The following RUFY4 variants were observed in gnomAD, a reference collection of about 807,000 sequenced individuals.
RUFY4 encodes RUN and FYVE domain containing 4, also known as RUN and FYVE domain-containing protein 4.
In RUFY4, 73 loss-of-function variants were observed where a neutral mutation model predicts 69.0. The observed-to-expected ratio is 1.06, with a 90% CI of 0.88 to 1.29. The LOEUF is 1.29. RUFY4 is among the 50% of genes most tolerant of loss of function. The probability of loss-of-function intolerance (pLI) is 0.00; values close to 1 mark genes in which losing one functional copy is unlikely to be tolerated. For synonymous variants in RUFY4, 287 were observed against 271.8 expected (o/e 1.06, Z -0.55); for missense variants, 770 against 705.6 (o/e 1.09, Z -1.03).
At chr2:218,089,262 C>G (rs760520417) in exon 10 of RUFY4, 1 of 1,613,402 alleles carries the variant, frequency 6.2e-7, no homozygotes, top group African/African-American at 1.3e-5. Flanking sequence ...AGAGAAGGAC[C>G]GCCTGTGGCA....
Position 218,062,203 on chromosome 2 carries a change from T to C in RUFY4, c.-1071+3522T>C, listed in dbSNP as rs541653085. On this transcript the variant is annotated intron_variant and NMD_transcript_variant, in intron 3 of 13. Transcript: ENST00000457754. ...TCACAAGGTCAGGAGATCAAAACCA[T>C]CCTGGCTAACATGGTGAAACCCCGT... is the stretch of plus-strand genomic sequence containing the variant. 2.1e-3 allele frequency among the ~76,000 whole-genome samples: 315 copies of C among 151,282 alleles called. 1 individual carries two copies. Among genetic ancestry groups the C allele is most frequent in the Non-Finnish European group, 2.1e-3 (140 of 67,808 alleles).
chr2:218,037,612 C>T (rs1958999073), intron 2 of RUFY4, among the ~76,000 whole-genome samples: 1 of 152,194 alleles, frequency 6.6e-6, no homozygotes, highest in Non-Finnish European at 1.5e-5. Context: ...TTTTTTAAAA[C>T]CTCTTGAGGC....
At chr2:218,039,343 A>G (rs1959026848) in intron 2 of RUFY4, among the ~76,000 whole-genome samples, 1 of 152,212 alleles carries the variant, frequency 6.6e-6, no homozygotes, top group Non-Finnish European at 1.5e-5. Flanking sequence ...TACCTGTGGT[A>G]TGAGTGTGTG....
At chr2:218,073,589 C>T (rs373223967) in intron 5 of RUFY4, among the ~76,000 whole-genome samples, 33 of 152,264 alleles carry the variant, frequency 2.2e-4, no homozygotes, top group East Asian at 1.7e-3. Flanking sequence ...CACTCACTAA[C>T]GACTTCCTGG....
At chr2:218,054,326 G>A (rs763053219) in intron 2 of RUFY4, among the ~76,000 whole-genome samples, 10 of 152,046 alleles carry the variant, frequency 6.6e-5, no homozygotes, top group Non-Finnish European at 8.8e-5. Context: ...AGGTCGAGGC[G>A]GGAAGATCAC....
intron 5 of RUFY4, 59 bp downstream of exon 7, chr2:218,073,445 G>A: frequency 6.4e-7 from 1 of 1,554,446 alleles, no homozygotes; most frequent in Non-Finnish European, 8.7e-7. Flanking sequence ...TGGCCACCAA[G>A]GGTCCCAGGC....
chr2:218,055,487 G>C (rs1354817305), intron 2 of RUFY4, among the ~76,000 whole-genome samples: 5 of 152,040 alleles, frequency 3.3e-5, no homozygotes, highest in Non-Finnish European at 5.9e-5. Context: ...ACTAAATTTG[G>C]TGTTACTCTG....
intron 8 of RUFY4, among the ~76,000 whole-genome samples, chr2:218,078,708 C>G (rs1472026098): frequency 2.0e-5 from 3 of 152,158 alleles, no homozygotes; most frequent in African/African-American, 7.2e-5. Flanking sequence ...CCACCTCAAT[C>G]AATTTCAGAA....
rs774934997 is a variant in RUFY4 at position 218,083,129 on chromosome 2, G to C, written c.1375G>C (p.Glu459Gln). The change falls in exon 9 of 11, where the codon GAG becomes CAG. Residue 459 changes from glutamate (E) to glutamine (Q), a missense_variant. Transcript: ENST00000344321. Reference sequence around the variant, plus strand: ...ACCCAGGTGTCAGGAAGAGAGAGCCGAGCTGCAGGCACAGCTGGAGCAGAA... The same window carrying C: ...ACCCAGGTGTCAGGAAGAGAGAGCCCAGCTGCAGGCACAGCTGGAGCAGAA... 6.2e-6 allele frequency: 10 copies of C among 1,613,266 alleles called. No individual in the cohort carries two copies. The Admixed American group carries it at 1.7e-4, about 27-fold the overall frequency.
At chr2:218,060,542 G>C in intron 3 of RUFY4, 1 of 1,298,314 alleles carries the variant, frequency 7.7e-7, no homozygotes, top group Non-Finnish European at 1.1e-6. Context: ...TCCAGGGCCT[G>C]GTTGATGTCG....
chr2:218,040,912 C>G (rs1959052804), intron 2 of RUFY4, among the ~76,000 whole-genome samples: 1 of 151,966 alleles, frequency 6.6e-6, no homozygotes, highest in Non-Finnish European at 1.5e-5. Flanking sequence ...ATGGTAGAAT[C>G]AGGATAGAAT....
Position 218,088,625 on chromosome 2 carries a change from G to C in RUFY4, c.1503-627G>C, listed in dbSNP as rs79119691. ...GAAACCCCAGGGGCCTCTGTGATCA[G>C]GGAACACTCCTTTGTGCTTAAATAA... On this transcript the variant is annotated intron_variant, in intron 9 of 10. Coordinates refer to ENST00000344321, the Ensembl canonical transcript of RUFY4. Among the ~76,000 whole-genome samples, 82 of 152,266 alleles carry C rather than the reference G, an allele frequency of 5.4e-4. No homozygotes were observed. The East Asian group carries it at 0.01, about 19-fold the overall frequency.
upstream of RUFY4, among the ~76,000 whole-genome samples, chr2:218,066,825 C>T (rs1199120493): frequency 2.0e-5 from 3 of 152,206 alleles, no homozygotes; most frequent in Non-Finnish European, 4.4e-5. Flanking sequence ...ATTGGATTGT[C>T]GCGTCTTCAT....
intron 2 of RUFY4, among the ~76,000 whole-genome samples, chr2:218,040,374 C>T (rs1261915017): frequency 6.6e-6 from 1 of 152,196 alleles, no homozygotes; most frequent in Non-Finnish European, 1.5e-5. Context: ...ACTGTTAAGT[C>T]ACTCTGATCT....
chr2:218,039,383 G>T (rs981525614), intron 2 of RUFY4, among the ~76,000 whole-genome samples: 5 of 152,138 alleles, frequency 3.3e-5, no homozygotes, highest in African/African-American at 7.2e-5. Context: ...GAATTGTGGT[G>T]GTGACACATG....
intron 2 of RUFY4, among the ~76,000 whole-genome samples, chr2:218,041,315 T>C (rs565427068): frequency 6.6e-6 from 1 of 152,354 alleles, no homozygotes; most frequent in South Asian, 2.1e-4. Context: ...TATCAATTTC[T>C]GTATAATGTC....
intron 2 of RUFY4, among the ~76,000 whole-genome samples, chr2:218,035,805 T>C (rs1405691908): frequency 1.3e-5 from 2 of 152,210 alleles, no homozygotes; most frequent in Admixed American, 1.3e-4. Flanking sequence ...TCTGCTCAGC[T>C]CCAGCCTTGG....
rs182879616 is a variant in RUFY4, at chr2:218,077,295, T to C, written c.1355+762T>C. Among the ~76,000 whole-genome samples the C allele has an allele frequency of 2.6e-5, 4 of 152,284 alleles. No individual in the cohort carries two copies. In the East Asian group the frequency reaches 7.7e-4, roughly 29 times the overall value. ...GTGTCTTCATCTTCCGTCATCACAT[T>C]GACCTCAGGGGCCCACAGCACGCTG... On this transcript the variant is annotated intron_variant, in intron 8 of 10. Transcript: ENST00000344321.
chr2:218,039,851 G>C (rs1291872123), intron 2 of RUFY4, among the ~76,000 whole-genome samples: 1 of 152,196 alleles, frequency 6.6e-6, no homozygotes, highest in Non-Finnish European at 1.5e-5. Context: ...CAGCAAAGGA[G>C]CGTTCATTTT....
Sources: allele counts gnomAD v4.1 joint callset (sites outside exome capture counted in the v4.1 genomes callset), GRCh38; gene constraint gnomAD v4.1.1; transcripts MANE v1.5; gene names NCBI Gene and HGNC (gene_info 2026-07-23, HGNC 2026-07-21).